IL12RB2: variants seen among roughly 807,000 people sequenced by gnomAD.
IL12RB2 encodes interleukin 12 receptor subunit beta 2.
In IL12RB2, 82 loss-of-function variants were observed where a neutral mutation model predicts 89.4. The ratio of observed to expected loss-of-function variants is 0.92; its 90% CI spans 0.77 to 1.10. The LOEUF (loss-of-function observed/expected upper bound fraction) is 1.10. Among genes scored for constraint, IL12RB2 ranks in the 50% least tolerant of loss-of-function variants. IL12RB2 has a pLI of 0.00. For missense variants in IL12RB2, 963 were observed against 1,031.9 expected (o/e 0.93, Z 0.92); for synonymous variants, 368 against 370.1 (o/e 0.99, Z 0.07).
intron 2 of IL12RB2, among the ~76,000 whole-genome samples, chr1:67,319,679 A>C (rs534664579): frequency 6.6e-6 from 1 of 152,338 alleles, no homozygotes; most frequent in East Asian, 1.9e-4. Flanking sequence ...AGCAACTTGC[A>C]CATGGTCTCA....
In IL12RB2 at chr1:67,372,479, A is replaced by C; in HGVS notation, c.1503A>C (p.Ala501=). The change falls in exon 12 of 17, where the codon GCA becomes GCC. Residue 501 remains alanine (A), a synonymous_variant. Coordinates refer to ENST00000674203, the MANE Select transcript of IL12RB2 (RefSeq NM_001374259.2). ...TCTGTTATGAAATCCGTGTGTATGC[A>C]CTCTCAGGGGATCAAGGAGGATGCA... ...SYICYEIRVY[A]LSGDQGGCSS... 5 of 1,602,724 alleles carry C rather than the reference A, an allele frequency of 3.1e-6. No homozygotes were observed. The highest frequency in any genetic ancestry group is 1.3e-5 in the African/African-American group (1 of 74,736).
Position 67,372,476 on chromosome 1 carries a change from T to C in IL12RB2, c.1500T>C (p.Tyr500=), listed in dbSNP as rs774722786. 3.1e-6 allele frequency: 5 copies of C among 1,599,724 alleles called. No individual in the cohort carries two copies. Among genetic ancestry groups the C allele is most frequent in the Non-Finnish European group, 4.3e-6 (5 of 1,166,956 alleles). Residue 500 remains tyrosine, a synonymous_variant, in exon 12 of 17, where the codon TAT becomes TAC. Transcript: ENST00000674203. ...KSYICYEIRV[Y]ALSGDQGGCS... The stretch of plus-strand genomic sequence containing the variant: ...ACATCTGTTATGAAATCCGTGTGTA[T>C]GCACTCTCAGGGGATCAAGGAGGAT...
At chr1:67,376,073 C>T (rs572536484) in intron 13 of IL12RB2, among the ~76,000 whole-genome samples, 3 of 152,018 alleles carry the variant, frequency 2.0e-5, no homozygotes, top group Non-Finnish European at 2.9e-5. Context: ...GTCTCAATCT[C>T]CTGACCTCGT....
intron 9 of IL12RB2, among the ~76,000 whole-genome samples, chr1:67,339,486 CA>C (rs200086991): frequency 0.015 from 1,127 of 77,294 alleles, 7 homozygotes; most frequent in African/African-American, 0.039. Flanking sequence ...GACTACGTTT[CA>C]AAAAAAAAAA....
At chr1:67,315,838 T>C (rs772685632) in intron 2 of IL12RB2, among the ~76,000 whole-genome samples, 23 of 152,228 alleles carry the variant, frequency 1.5e-4, no homozygotes, top group Non-Finnish European at 3.4e-4. Flanking sequence ...GTCTTTCATA[T>C]GGGAGTTTCA....
At chr1:67,328,014 T>C (rs1391169318) in intron 5 of IL12RB2, among the ~76,000 whole-genome samples, 186 bp from the exon 6 acceptor site, 1 of 152,134 alleles carries the variant, frequency 6.6e-6, no homozygotes, top group Non-Finnish European at 1.5e-5. Flanking sequence ...AAAAAGGGAG[T>C]TGGGTGAAGT....
intron 16 of IL12RB2, among the ~76,000 whole-genome samples, chr1:67,392,845 G>C (rs994959329): frequency 3.3e-5 from 5 of 151,926 alleles, no homozygotes; most frequent in African/African-American, 1.2e-4. Context: ...ATGTTGGCCA[G>C]GCTGGTGACC....
chr1:67,313,012 G>T (rs888652099), intron 1 of IL12RB2, among the ~76,000 whole-genome samples: 3 of 152,240 alleles, frequency 2.0e-5, no homozygotes, highest in Non-Finnish European at 4.4e-5. Context: ...ATGACATTAT[G>T]AATGGGGCCG....
chr1:67,339,079 C>CAAA (rs17109843), intron 9 of IL12RB2, among the ~76,000 whole-genome samples: 1,728 of 151,004 alleles, frequency 0.011, 14 homozygotes, highest in Non-Finnish European at 0.018. Flanking sequence ...CTTTGGGAAA[C>CAAA]AAAAGATGAA....
At chr1:67,325,585 A>T (rs1044337675) in intron 4 of IL12RB2, among the ~76,000 whole-genome samples, 44 of 152,226 alleles carry the variant, frequency 2.9e-4, no homozygotes, top group African/African-American at 1.1e-3. Context: ...TTAAAGGAAA[A>T]GTTTATTATT....
At position 67,397,624 on chromosome 1, in the gene IL12RB2, C is replaced by A. The variant is rs1239923492; in HGVS notation, c.*1535C>A. 1.3e-5 allele frequency among the ~76,000 whole-genome samples: 2 copies of A among 152,244 alleles called. No individual in the cohort carries two copies. The highest frequency in any genetic ancestry group is 4.8e-5 in the African/African-American group (2 of 41,468). ...GCTTGCCACCCTCCCTAGCCCATTG[C>A]TGCCTCTGTCTCTTCACCATAGGCA... is the stretch of plus-strand genomic sequence containing the variant. On this transcript the variant is annotated 3_prime_UTR_variant, in exon 17 of 17. Coordinates refer to ENST00000674203, the MANE Select transcript of IL12RB2 (RefSeq NM_001374259.2).
In IL12RB2 at chr1:67,367,885, C is replaced by A; in HGVS notation, c.1319C>A (p.Thr440Asn). 1 of 1,609,546 alleles carries A rather than the reference C, an allele frequency of 6.2e-7. No homozygotes were observed. The highest frequency in any genetic ancestry group is 8.5e-7 in the Non-Finnish European group (1 of 1,175,770). The change falls in exon 11 of 17, where the codon ACT (threonine) becomes AAT (asparagine). Residue 440 changes from threonine to asparagine, a missense_variant. Transcript: ENST00000674203. Reference protein sequence around the residue: ...NSEGMDNILVTWQPPRKDPSA... With the variant: ...NSEGMDNILVNWQPPRKDPSA... Reference sequence around the variant, plus strand: ...GAGGGCATGGACAACATTCTGGTGACTTGGCAGCCTCCCAGGAAAGATCCC... The same window carrying A: ...GAGGGCATGGACAACATTCTGGTGAATTGGCAGCCTCCCAGGAAAGATCCC...
At chr1:67,324,522 A>T (rs1446492193) in intron 4 of IL12RB2, among the ~76,000 whole-genome samples, 1 of 151,992 alleles carries the variant, frequency 6.6e-6, no homozygotes, top group African/African-American at 2.4e-5. Context: ...TGTCTGGCTA[A>T]TTTTTGTATT....
chr1:67,312,320 G>A (rs1221850088), intron 1 of IL12RB2, among the ~76,000 whole-genome samples: 1 of 152,168 alleles, frequency 6.6e-6, no homozygotes, highest in Non-Finnish European at 1.5e-5. Flanking sequence ...TGCCATGAAA[G>A]TTTTAGGCTT....
intron 9 of IL12RB2, among the ~76,000 whole-genome samples, chr1:67,347,717 C>G (rs1171784285): frequency 3.3e-5 from 5 of 152,130 alleles, no homozygotes; most frequent in African/African-American, 4.8e-5. Flanking sequence ...ATAGCATATT[C>G]TTACCAATAG....
chr1:67,342,626 T>C (rs2100781306), intron 9 of IL12RB2, among the ~76,000 whole-genome samples: 1 of 152,214 alleles, frequency 6.6e-6, no homozygotes, highest in South Asian at 2.1e-4. Flanking sequence ...CATGTGTCAG[T>C]GTGTGAGGAT....
At chr1:67,389,391 T>C (rs1366109916) in intron 15 of IL12RB2, among the ~76,000 whole-genome samples, 2 of 152,124 alleles carry the variant, frequency 1.3e-5, no homozygotes. Flanking sequence ...AAATGTTTCA[T>C]ATTGTTCATG....
intron 9 of IL12RB2, among the ~76,000 whole-genome samples, chr1:67,348,019 GGTA>G (rs1660423567): frequency 6.6e-6 from 1 of 152,134 alleles, no homozygotes; most frequent in African/African-American, 2.4e-5. Flanking sequence ...CCTGGCTCAT[GGTA>G]TAGCCCAATA....
At chr1:67,353,282 T>C (rs1268605915) in intron 10 of IL12RB2, among the ~76,000 whole-genome samples, 1 of 152,162 alleles carries the variant, frequency 6.6e-6, no homozygotes, top group Non-Finnish European at 1.5e-5. Flanking sequence ...CTTAAATACA[T>C]ATTTACAACT....
Sources: gnomAD v4.1 joint callset for allele counts (sites outside exome capture counted in the v4.1 genomes callset) on GRCh38, gnomAD v4.1.1 for gene constraint, MANE v1.5 for transcripts, NCBI Gene and HGNC (gene_info 2026-07-23, HGNC 2026-07-21) for gene names.